The following POU6F2 variants were observed in gnomAD, a reference collection of about 807,000 sequenced individuals.
The protein encoded by POU6F2 is POU class 6 homeobox 2.
Under a neutral mutation model 71.3 loss-of-function variants are expected in POU6F2, and 31 were observed. That is an observed-to-expected ratio of 0.43 (90% CI 0.33 to 0.59). The LOEUF is 0.59. Ranked by LOEUF, POU6F2 falls within the 20% of genes least tolerant of loss-of-function variation. The probability of loss-of-function intolerance (pLI) is 0.04; values close to 1 mark genes in which losing one functional copy is unlikely to be tolerated. For synonymous variants in POU6F2, 347 were observed against 355.7 expected, an observed-to-expected ratio of 0.98 and a Z score of 0.27; for missense variants, 783 against 856.8, an observed-to-expected ratio of 0.91 and a Z score of 1.07.
chr7:39,454,394 C>T (rs1011453890), intron 8 of POU6F2, among the ~76,000 whole-genome samples: 4 of 151,840 alleles, frequency 2.6e-5, no homozygotes, highest in African/African-American at 7.3e-5. Context: ...GGGCTAAAAG[C>T]TTCAAGCTTC....
At chr7:39,455,216 T>A (rs1788772331) in intron 8 of POU6F2, among the ~76,000 whole-genome samples, 1 of 152,196 alleles carries the variant, frequency 6.6e-6, no homozygotes, top group Non-Finnish European at 1.5e-5. Context: ...AGGGTTTTGA[T>A]CACTTGCTGG....
chr7:39,267,234 G>A (rs1784263464), intron 4 of POU6F2, among the ~76,000 whole-genome samples: 4 of 152,250 alleles, frequency 2.6e-5, no homozygotes, highest in East Asian at 1.9e-4. Flanking sequence ...ACACACAGAC[G>A]CCCATAAAAT....
intron 5 of POU6F2, among the ~76,000 whole-genome samples, chr7:39,363,329 A>G (rs1287908478): frequency 6.6e-6 from 1 of 152,134 alleles, no homozygotes; most frequent in Non-Finnish European, 1.5e-5. Context: ...TTCCCCATTG[A>G]TCGAGGTAAG....
At position 39,085,846 on chromosome 7, in the gene POU6F2, T is replaced by A; in HGVS notation, c.106-14T>A. On this transcript the variant is annotated splice_polypyrimidine_tract_variant and intron_variant, in intron 1 of 9. Transcript: ENST00000518318. ...TTTTTTTTTCCTCCCCTTCACTCTT[T>A]TCGCCCATCCTAGGATCCAATGATA... The A allele has an allele frequency of 6.2e-7, 1 of 1,612,904 alleles. No homozygotes were observed. The highest frequency in any genetic ancestry group is 1.1e-5 in the South Asian group (1 of 90,946).
At chr7:39,075,995 T>C (rs1283319778) in intron 1 of POU6F2, among the ~76,000 whole-genome samples, 1 of 152,196 alleles carries the variant, frequency 6.6e-6, no homozygotes. Context: ...CACTTCTGTT[T>C]CTGGAAGCAG....
chr7:39,193,074 C>T (rs1793703668), intron 2 of POU6F2, among the ~76,000 whole-genome samples: 1 of 152,198 alleles, frequency 6.6e-6, no homozygotes, highest in Non-Finnish European at 1.5e-5. Context: ...CCTGGCTTGA[C>T]TGGGACCTGA....
chr7:39,193,472 G>A (rs957896743), intron 2 of POU6F2, among the ~76,000 whole-genome samples: 2 of 152,158 alleles, frequency 1.3e-5, no homozygotes, highest in African/African-American at 4.8e-5. Context: ...TGAAATATTT[G>A]CATTTTATGT....
At chr7:39,083,978 C>T (rs1003309686) in intron 1 of POU6F2, among the ~76,000 whole-genome samples, 2 of 152,208 alleles carry the variant, frequency 1.3e-5, no homozygotes, top group African/African-American at 2.4e-5. Flanking sequence ...ATGATATCTG[C>T]GATCTCATCC....
intron 2 of POU6F2, among the ~76,000 whole-genome samples, chr7:39,136,774 A>C (rs1792396643): frequency 6.6e-6 from 1 of 151,664 alleles, no homozygotes; most frequent in African/African-American, 2.4e-5. Context: ...CGGGAGGATC[A>C]CTCGAGACCA....
intron 2 of POU6F2, among the ~76,000 whole-genome samples, chr7:39,198,693 G>C (rs1161650844): frequency 6.6e-6 from 1 of 152,138 alleles, no homozygotes; most frequent in Non-Finnish European, 1.5e-5. Context: ...ATTCTACTAA[G>C]GGTCTCTACA....
intron 6 of POU6F2, among the ~76,000 whole-genome samples, chr7:39,414,057 C>T (rs770187610): frequency 1.9e-4 from 29 of 152,234 alleles, no homozygotes; most frequent in Non-Finnish European, 3.2e-4. Flanking sequence ...CCCCACCGAG[C>T]TTCACCCCAG....
intron 9 of POU6F2, among the ~76,000 whole-genome samples, chr7:39,461,802 A>G (rs1338624782): frequency 2.0e-5 from 3 of 152,150 alleles, no homozygotes; most frequent in South Asian, 2.1e-4. Flanking sequence ...GTTTTTTCTT[A>G]TAAGATACCT....
chr7:39,419,100 T>C (rs139332799), intron 6 of POU6F2, among the ~76,000 whole-genome samples: 1,208 of 72,470 alleles, frequency 0.017, 18 homozygotes, highest in Middle Eastern at 0.046. Flanking sequence ...TGTGTATATA[T>C]ACACATATAT....
rs1226633393 is a variant in POU6F2, at chr7:39,030,492, A to T, written c.105+52434A>T. On this transcript the variant is annotated intron_variant, in intron 1 of 9. Transcript: ENST00000518318. ...TGCTAATCTCCTGTATTGAACTTTC[A>T]AAAAATACTATATATATATATATAT... Among the ~76,000 whole-genome samples, 41 of 125,276 alleles carry T rather than the reference A, an allele frequency of 3.3e-4. 1 individual carries two copies. The highest frequency in any genetic ancestry group is 9.6e-4 in the Admixed American group (11 of 11,428). The allele number at this position is 125,276 out of a possible 152,430, so 82.2% of individuals were successfully genotyped here.
chr7:39,422,340 A>G (rs1365052288), intron 6 of POU6F2, among the ~76,000 whole-genome samples: 1 of 152,200 alleles, frequency 6.6e-6, no homozygotes, highest in Non-Finnish European at 1.5e-5. Flanking sequence ...ATTCAAATAA[A>G]TAAATAAGTG....
intron 1 of POU6F2, among the ~76,000 whole-genome samples, chr7:39,023,663 T>A (rs1789731121): frequency 6.6e-6 from 1 of 152,136 alleles, no homozygotes; most frequent in Non-Finnish European, 1.5e-5. Context: ...AGTGTTCTTA[T>A]CAGAAAAGCA....
At chr7:39,149,981 G>C (rs528035153) in intron 2 of POU6F2, among the ~76,000 whole-genome samples, 20 of 151,794 alleles carry the variant, frequency 1.3e-4, no homozygotes, top group Non-Finnish European at 2.5e-4. Context: ...CGCCTCCCGG[G>C]TTCACGCCAT....
intron 1 of POU6F2, among the ~76,000 whole-genome samples, chr7:38,984,697 C>T (rs1251394418): frequency 6.6e-6 from 1 of 152,060 alleles, no homozygotes; most frequent in Admixed American, 6.6e-5. Context: ...AAGAGGTTAG[C>T]CAGTGCTCCG....
chr7:39,009,582 G>C (rs1325052288), intron 1 of POU6F2, among the ~76,000 whole-genome samples: 2 of 152,062 alleles, frequency 1.3e-5, no homozygotes, highest in East Asian at 3.9e-4. Context: ...GGTGAGAGAG[G>C]GCATCCCTGT....
Sources: gnomAD v4.1 joint callset for allele counts (sites outside exome capture counted in the v4.1 genomes callset) on GRCh38, gnomAD v4.1.1 for gene constraint, MANE v1.5 for transcripts, NCBI Gene and HGNC (gene_info 2026-07-23, HGNC 2026-07-21) for gene names.